The following MAP1LC3C variants were observed in gnomAD, a reference collection of about 807,000 sequenced individuals.
MAP1LC3C encodes the protein microtubule associated protein 1 light chain 3 gamma, also known as microtubule-associated protein 1 light chain 3 gamma.
In MAP1LC3C, 12 loss-of-function variants were observed where a neutral mutation model predicts 10.4. That is an observed-to-expected ratio of 1.15 (90% CI 0.74 to 1.86). MAP1LC3C has a LOEUF of 1.86. Ranked by LOEUF, MAP1LC3C falls within the 40% of genes most tolerant of loss-of-function variation. The pLI is 0.00. For synonymous variants in MAP1LC3C, 70 were observed against 69.0 expected, an observed-to-expected ratio of 1.01 and a Z score of -0.07; for missense variants, 177 against 185.7, an observed-to-expected ratio of 0.95 and a Z score of 0.27.
At chr1:241,997,792 T>C (rs1041913819) in intron 3 of MAP1LC3C, among the ~76,000 whole-genome samples, 1 of 152,078 alleles carries the variant, frequency 6.6e-6, no homozygotes, top group Admixed American at 6.6e-5. Flanking sequence ...GAACGTTTCC[T>C]TTGGGGAGAA....
chr1:242,000,080 A>T (rs1276436736), upstream of MAP1LC3C, among the ~76,000 whole-genome samples: 1 of 152,108 alleles, frequency 6.6e-6, no homozygotes, highest in Non-Finnish European at 1.5e-5. Context: ...GGGGTTCCCC[A>T]TACACCGAGC....
upstream of MAP1LC3C, chr1:241,999,164 C>CCCT: frequency 7.3e-7 from 1 of 1,378,576 alleles, no homozygotes; most frequent in Non-Finnish European, 9.4e-7. Flanking sequence ...CCTCTCCCTC[C>CCCT]CCTCTCCCCA....
chr1:241,999,112 T>C, upstream of MAP1LC3C: 1 of 1,491,684 alleles, frequency 6.7e-7, no homozygotes, highest in Non-Finnish European at 8.8e-7. Flanking sequence ...TGCAGGAGCC[T>C]GAAGGAGGCC....
Position 241,998,769 on chromosome 1 carries a change from G to A in MAP1LC3C, c.114+7C>T, listed in dbSNP as rs763157733. 1 of 1,614,122 alleles carries A rather than the reference G, an allele frequency of 6.2e-7. No homozygotes were observed. The highest frequency in any genetic ancestry group is 1.1e-5 in the South Asian group (1 of 91,080). On this transcript the variant is annotated splice_region_variant and intron_variant, in intron 2 of 3. Coordinates refer to ENST00000357246, the MANE Select transcript of MAP1LC3C (RefSeq NM_001004343.3). ...CGCCCCCCAGCGGAAGTCCAGTGGT[G>A]TCTTACCGGGATTTTGTTGGGGAAC...
chr1:241,996,117 C>A lies in MAP1LC3C; in HGVS notation c.*46G>T. 6.4e-7 allele frequency: 1 copy of A among 1,553,760 alleles called. No individual in the cohort carries two copies. The highest frequency in any genetic ancestry group is 1.2e-5 in the South Asian group (1 of 85,770). On this transcript the variant is annotated 3_prime_UTR_variant, in exon 4 of 4. Coordinates refer to ENST00000357246, the MANE Select transcript of MAP1LC3C (RefSeq NM_001004343.3). ...ACAGGAGAAAACCAATCCCTTCTGCCAGCATCTGACACGTCTGTCAGAGCA... is the reference window on the plus strand; with the variant it reads ...ACAGGAGAAAACCAATCCCTTCTGCAAGCATCTGACACGTCTGTCAGAGCA...
Position 241,998,571 on chromosome 1 carries a change from T to A in MAP1LC3C, c.164A>T (p.Lys55Ile), listed in dbSNP as rs745536535. ...PRETFLPPLD[K>I]TKFLVPQELT... ...CTCCTGCGGGACCAGGAACTTGGTT[T>A]TGTCCAGCGGGGGCAGGAACGTCTC... The change falls in exon 3 of 4, where the codon AAA becomes ATA. Residue 55 changes from lysine to isoleucine, a missense_variant. Transcript: ENST00000357246. 1 of 1,613,534 alleles carries A rather than the reference T, an allele frequency of 6.2e-7. No individual in the cohort carries two copies. Among genetic ancestry groups the A allele is most frequent in the Non-Finnish European group, 8.5e-7 (1 of 1,179,910 alleles).
chr1:242,000,396 T>C, upstream of MAP1LC3C, among the ~76,000 whole-genome samples: 1 of 152,108 alleles, frequency 6.6e-6, no homozygotes, highest in Non-Finnish European at 1.5e-5. Flanking sequence ...GCCTGGCTAA[T>C]TTGTGTGTTT....
chr1:241,999,740 C>A (rs1422352545), upstream of MAP1LC3C, among the ~76,000 whole-genome samples: 3 of 152,096 alleles, frequency 2.0e-5, no homozygotes, highest in African/African-American at 7.2e-5. Flanking sequence ...ACCCAGGATG[C>A]GGAGGTTGTA....
intron 3 of MAP1LC3C, among the ~76,000 whole-genome samples, chr1:241,998,312 C>T (rs1665128205): frequency 6.6e-6 from 1 of 152,020 alleles, no homozygotes; most frequent in South Asian, 2.1e-4. Context: ...ATGAGCCACT[C>T]CGCCCGGGGT....
Position 241,998,963 on chromosome 1 carries a change from T to G in MAP1LC3C, c.46A>C (p.Arg16=). 6.2e-7 allele frequency: 1 copy of G among 1,612,610 alleles called. No individual in the cohort carries two copies. Among genetic ancestry groups the G allele is most frequent in the Non-Finnish European group, 8.5e-7 (1 of 1,179,714 alleles). The change falls in exon 1 of 4, where the codon AGG becomes CGG. Residue 16 remains arginine (R), a synonymous_variant. Coordinates refer to ENST00000357246, the MANE Select transcript of MAP1LC3C (RefSeq NM_001004343.3). ...KIPSVRPFKQ[R]KSLAIRQEEV... is the part of the protein sequence containing the mutation. ...CCAAGAAATTTACCCAAGCTTTTCC[T>G]CTGCTTGAAGGGTCTGACGCTTGGG...
Position 241,996,061 on chromosome 1 carries a change from T to A in MAP1LC3C, c.*102A>T. 9.6e-7 allele frequency: 1 copy of A among 1,042,772 alleles called. No homozygotes were observed. Among genetic ancestry groups the A allele is most frequent in the Non-Finnish European group, 1.4e-6 (1 of 730,240 alleles). The allele number at this position is 1,042,772 out of a possible 1,614,324, so 64.6% of individuals were successfully genotyped here. ...TGGTTGGAGCTGATCACCCCAGGCA[T>A]CCCTGCTTCTCAGACTCCTCCACTG... On this transcript the variant is annotated 3_prime_UTR_variant, in exon 4 of 4. Transcript: ENST00000357246.
intron 3 of MAP1LC3C, among the ~76,000 whole-genome samples, chr1:241,998,181 C>T (rs1665125774): frequency 6.6e-6 from 1 of 151,880 alleles, no homozygotes; most frequent in Non-Finnish European, 1.5e-5. Flanking sequence ...CGCCACCACG[C>T]CTAGCTAATT....
chr1:241,998,658 G>C, intron 2 of MAP1LC3C, 38 bp from the exon 3 acceptor site: 2 of 1,606,678 alleles, frequency 1.2e-6, no homozygotes, highest in Non-Finnish European at 8.5e-7. Context: ...GTGACTCAGC[G>C]TGAGTGTTAG....
chr1:241,999,926 C>T (rs1665163327), upstream of MAP1LC3C, among the ~76,000 whole-genome samples: 1 of 152,210 alleles, frequency 6.6e-6, no homozygotes, highest in Admixed American at 6.5e-5. Context: ...GAAGGAAGGA[C>T]AATTGTCCCC....
intron 3 of MAP1LC3C, 73 bp downstream of exon 3, chr1:241,998,441 C>G: frequency 7.5e-7 from 1 of 1,333,774 alleles, no homozygotes; most frequent in Non-Finnish European, 1.1e-6. Context: ...AATAAAACTG[C>G]CAAACGAAGA....
chr1:241,997,213 C>T (rs1331193865), intron 3 of MAP1LC3C, among the ~76,000 whole-genome samples: 1 of 152,082 alleles, frequency 6.6e-6, no homozygotes, highest in Non-Finnish European at 1.5e-5. Context: ...TCCTAACTTT[C>T]ATTCTCCCTT....
In MAP1LC3C at chr1:241,995,984, A is replaced by G; in HGVS notation, c.*179T>C. 1.9e-6 allele frequency: 1 copy of G among 527,988 alleles called. No homozygotes were observed. The highest frequency in any genetic ancestry group is 3.3e-6 in the Non-Finnish European group (1 of 299,078). 32.7% of individuals were successfully genotyped at this position (527,988 alleles called of 1,614,324 possible). On this transcript the variant is annotated 3_prime_UTR_variant, in exon 4 of 4. Coordinates refer to ENST00000357246, the MANE Select transcript of MAP1LC3C (RefSeq NM_001004343.3). ...CCCACATTTTTCTTAGAAGGACACA[A>G]GAACACGGAGCACAAAAACTAAACT...
upstream of MAP1LC3C, among the ~76,000 whole-genome samples, chr1:242,000,568 G>A (rs1665178479): frequency 1.3e-5 from 2 of 152,146 alleles, no homozygotes; most frequent in African/African-American, 4.8e-5. Flanking sequence ...TGGGACATAA[G>A]TCAGGCTTCC....
At chr1:241,999,484 G>C (rs894166119), upstream of MAP1LC3C, among the ~76,000 whole-genome samples, 2 of 152,112 alleles carry the variant, frequency 1.3e-5, no homozygotes, top group African/African-American at 4.8e-5. Flanking sequence ...TACTAAGAAA[G>C]GTGAAGTGAT....
Sources: allele counts gnomAD v4.1 joint callset (sites outside exome capture counted in the v4.1 genomes callset), GRCh38; gene constraint gnomAD v4.1.1; transcripts MANE v1.5; gene names NCBI Gene and HGNC (gene_info 2026-07-23, HGNC 2026-07-21).